The following PIWIL1 variants were observed in gnomAD, a reference collection of about 807,000 sequenced individuals.
PIWIL1 encodes piwi like RNA-mediated gene silencing 1, also known as piwi-like protein 1.
Under a neutral mutation model 114.4 loss-of-function variants are expected in PIWIL1, and 73 were observed. The observed-to-expected ratio is 0.64, with a 90% CI of 0.53 to 0.78. PIWIL1 has a LOEUF of 0.78. Among genes scored for constraint, PIWIL1 ranks in the 30% least tolerant of loss-of-function variants. The pLI, the probability that PIWIL1 is intolerant of heterozygous loss-of-function variation, is 0.00. For synonymous variants in PIWIL1, 375 were observed against 369.0 expected (o/e 1.02, Z -0.19); for missense variants, 723 against 1,063.1 (o/e 0.68, Z 4.45).
chr12:130,377,810 C>T, the PIWIL1 span, among the ~76,000 whole-genome samples: 1 of 152,226 alleles, frequency 6.6e-6, no homozygotes, highest in Non-Finnish European at 1.5e-5. Flanking sequence ...GGTCTGGGGC[C>T]TGGGGGCTGC....
At chr12:130,346,812 C>T in intron 5 of PIWIL1, 129 bp from the exon 6 acceptor site, 2 of 1,197,934 alleles carry the variant, frequency 1.7e-6, no homozygotes, top group Non-Finnish European at 2.3e-6. Flanking sequence ...TTCTCAGAGC[C>T]ATTTAAAAAA....
In PIWIL1 at chr12:130,342,656, T is replaced by C; in HGVS notation, c.65T>C (p.Val22Ala). Reference protein sequence around the residue: ...RARGQETAQLVGSTASQQPGY... With the variant: ...RARGQETAQLAGSTASQQPGY... Reference sequence around the variant, plus strand: ...CGCGGTCAGGAGACAGCGCAGCTGGTGGGCTCCACTGCCGTGAGTGCTTCA... The same window carrying C: ...CGCGGTCAGGAGACAGCGCAGCTGGCGGGCTCCACTGCCGTGAGTGCTTCA... Residue 22 changes from valine (V) to alanine (A), a missense_variant, in exon 2 of 21, where the codon GTG becomes GCG. This residue lies in a region of PIWIL1 where 91 missense variants were observed against 76.2 expected (regional missense o/e 1.19). Coordinates refer to ENST00000245255, the MANE Select transcript of PIWIL1 (RefSeq NM_004764.5). 1.2e-6 allele frequency: 2 copies of C among 1,612,612 alleles called. No individual in the cohort carries two copies. Among genetic ancestry groups the C allele is most frequent in the African/African-American group, 2.7e-5 (2 of 75,028 alleles).
the PIWIL1 span, among the ~76,000 whole-genome samples, chr12:130,415,111 C>T: frequency 6.6e-6 from 1 of 152,172 alleles, no homozygotes; most frequent in African/African-American, 2.4e-5. Flanking sequence ...GAGAAAACTA[C>T]AGGCTAATAT....
At chr12:130,367,853 A>G (rs1007654433) in intron 19 of PIWIL1, among the ~76,000 whole-genome samples, 10 of 152,178 alleles carry the variant, frequency 6.6e-5, no homozygotes, top group Admixed American at 5.2e-4. Context: ...GCTGGAGTGC[A>G]GTAGCATAAT....
In PIWIL1 at chr12:130,349,028, G is replaced by A. The variant is rs111439660; in HGVS notation, c.735-211G>A. On this transcript the variant is annotated intron_variant, in intron 7 of 20. Coordinates refer to ENST00000245255, the MANE Select transcript of PIWIL1 (RefSeq NM_004764.5). ...TGTAATGAATAGCTGAATAAAGTTAGTACATTCATTTAAAATGAAACTTAT... is the reference window on the plus strand; with the variant it reads ...TGTAATGAATAGCTGAATAAAGTTAATACATTCATTTAAAATGAAACTTAT... Among the ~76,000 whole-genome samples the A allele has an allele frequency of 5.8e-3, 886 of 152,324 alleles. 6 individuals are homozygous for A. The highest frequency in any genetic ancestry group is 0.02 in the African/African-American group (812 of 41,566).
the PIWIL1 span, among the ~76,000 whole-genome samples, chr12:130,384,193 C>T: frequency 1.3e-5 from 2 of 152,226 alleles, no homozygotes; most frequent in African/African-American, 4.8e-5. Context: ...CAGTAACCCT[C>T]AAACAGATGT....
At chr12:130,343,783 G>A (rs770341308) in intron 3 of PIWIL1, among the ~76,000 whole-genome samples, 6 of 151,914 alleles carry the variant, frequency 3.9e-5, no homozygotes, top group African/African-American at 7.3e-5. Flanking sequence ...CCACCACTGC[G>A]CCCAGCTAAT....
intron 18 of PIWIL1, 89 bp from the exon 19 acceptor site, chr12:130,367,044 T>C: frequency 6.7e-7 from 1 of 1,482,906 alleles, no homozygotes; most frequent in Non-Finnish European, 9.3e-7. Flanking sequence ...ATGTGTTCCT[T>C]TTTAAATGGA....
At chr12:130,391,707 G>C in the PIWIL1 span, among the ~76,000 whole-genome samples, 29 of 152,276 alleles carry the variant, frequency 1.9e-4, 1 homozygote, top group South Asian at 6.0e-3. Context: ...TGGTAGATGA[G>C]GCCAAGCCAG....
the PIWIL1 span, among the ~76,000 whole-genome samples, chr12:130,419,126 C>T: frequency 0.085 from 12,931 of 152,178 alleles, 1,647 homozygotes; most frequent in African/African-American, 0.28. The surrounding 1 kb of genome is among the most constrained non-coding windows in gnomAD (Gnocchi z 4.3). Context: ...GTAGCAGCCT[C>T]CCTGGAATGT....
chr12:130,359,827 G>A (rs1432421237), intron 14 of PIWIL1, among the ~76,000 whole-genome samples: 1 of 152,198 alleles, frequency 6.6e-6, no homozygotes, highest in Non-Finnish European at 1.5e-5. Flanking sequence ...GATGTAAGTG[G>A]TAAGGAAAAT....
Position 130,367,269 on chromosome 12 carries a change from T to A in PIWIL1, c.2321+11T>A. The A allele has an allele frequency of 6.2e-7, 1 of 1,606,780 alleles. No individual in the cohort carries two copies. Among genetic ancestry groups the A allele is most frequent in the Non-Finnish European group, 8.5e-7 (1 of 1,174,530 alleles). On this transcript the variant is annotated intron_variant, in intron 19 of 20. Transcript: ENST00000245255. ...TACCAGACCAGAATGGTAAGTTCCA[T>A]GTGATGAGCTGAAGGTTGTTTTCTC...
Position 130,349,235 on chromosome 12 carries a change from A to G in PIWIL1, c.735-4A>G. The G allele has an allele frequency of 6.2e-7, 1 of 1,610,348 alleles. No homozygotes were observed. The highest frequency in any genetic ancestry group is 2.2e-5 in the East Asian group (1 of 44,718). On this transcript the variant is annotated splice_region_variant and splice_polypyrimidine_tract_variant and intron_variant, in intron 7 of 20. Coordinates refer to ENST00000245255, the MANE Select transcript of PIWIL1 (RefSeq NM_004764.5). The stretch of plus-strand genomic sequence containing the variant: ...TTCTTCATGACCCCCATCTCGTCTG[A>G]CAGGTTGGTGATTTGGCCTGGCTTC...
chr12:130,348,034 G>C (rs191079833), intron 6 of PIWIL1, 69 bp from the exon 7 acceptor site: 1 of 1,056,150 alleles, frequency 9.5e-7, no homozygotes, highest in East Asian at 2.5e-5. Flanking sequence ...TGCTCTAAAC[G>C]ACATGCTGTT....
intron 9 of PIWIL1, among the ~76,000 whole-genome samples, chr12:130,352,956 T>C (rs2073253570): frequency 6.6e-6 from 1 of 152,218 alleles, no homozygotes; most frequent in Non-Finnish European, 1.5e-5. Context: ...ATGTGAGTGT[T>C]CTACTTAAAA....
intron 19 of PIWIL1, among the ~76,000 whole-genome samples, chr12:130,367,893 G>A (rs755327138): frequency 2.0e-5 from 3 of 152,156 alleles, no homozygotes; most frequent in Non-Finnish European, 4.4e-5. Context: ...TGCCTCCTGC[G>A]TTCAAGGAAT....
intron 9 of PIWIL1, chr12:130,351,619 C>G (rs1401781513): frequency 1.3e-5 from 2 of 152,040 alleles, no homozygotes; most frequent in East Asian, 3.9e-4. Flanking sequence ...GTTTATATAC[C>G]CCATGCCTAA....
At chr12:130,354,862 T>C (rs1333176034) in intron 10 of PIWIL1, 26 bp from the exon 11 acceptor site, 1 of 1,506,676 alleles carries the variant, frequency 6.6e-7, no homozygotes, top group African/African-American at 1.4e-5. Context: ...TCTTTAACCA[T>C]ATGCCTTTAA....
the PIWIL1 span, among the ~76,000 whole-genome samples, chr12:130,380,126 T>C: frequency 4.6e-5 from 5 of 109,516 alleles, no homozygotes; most frequent in African/African-American, 9.8e-5. Context: ...TGACAGTTCC[T>C]TCAACTCCCT....
Sources: allele counts gnomAD v4.1 joint callset (sites outside exome capture counted in the v4.1 genomes callset), GRCh38; gene constraint gnomAD v4.1.1; regional missense constraint gnomAD v4.1.1; non-coding constraint Gnocchi (gnomAD v3.1); transcripts MANE v1.5; gene names NCBI Gene and HGNC (gene_info 2026-07-23, HGNC 2026-07-21).